Variants in DKK2 observed in about 807,000 individuals in gnomAD.
DKK2 encodes the protein dickkopf Wnt signaling pathway inhibitor 2.
In DKK2, 11 loss-of-function variants were observed where a neutral mutation model predicts 28.1. The observed-to-expected ratio is 0.39, with a 90% CI of 0.25 to 0.65. The LOEUF (loss-of-function observed/expected upper bound fraction) is 0.65. Among genes scored for constraint, DKK2 ranks in the 30% least tolerant of loss-of-function variants. The probability of loss-of-function intolerance (pLI) is 0.47; values close to 1 mark genes in which losing one functional copy is unlikely to be tolerated. For missense variants in DKK2, 326 were observed against 335.5 expected, an observed-to-expected ratio of 0.97 and a Z score of 0.22; for synonymous variants, 135 against 126.5, an observed-to-expected ratio of 1.07 and a Z score of -0.45.
chr4:106,964,545 T>G lies in DKK2; in HGVS notation c.223-38596A>C, dbSNP rs566048776. Among the ~76,000 whole-genome samples, 6 of 152,338 alleles carry G rather than the reference T, an allele frequency of 3.9e-5. No individual in the cohort carries two copies. The East Asian group carries it at 1.2e-3, about 29-fold the overall frequency. On this transcript the variant is annotated intron_variant, in intron 1 of 3. Coordinates refer to ENST00000285311, the MANE Select transcript of DKK2 (RefSeq NM_014421.3). ...CTATCATAAAGAAATGTTGATTTCTTGAGGCGATGGATATCCCAGTAATTC... is the reference window on the plus strand; with the variant it reads ...CTATCATAAAGAAATGTTGATTTCTGGAGGCGATGGATATCCCAGTAATTC...
At position 106,947,728 on chromosome 4, in the gene DKK2, G is replaced by A. The variant is rs578146070; in HGVS notation, c.223-21779C>T. Among the ~76,000 whole-genome samples the A allele has an allele frequency of 4.0e-5, 6 of 148,838 alleles. No homozygotes were observed. In the South Asian group the frequency reaches 1.3e-3, roughly 32 times the overall value. ...CATGCTCTGTCACCCAGGCTGGAGTGCAGTGGCATGATCATAGCTCACTGT... is the reference window on the plus strand; with the variant it reads ...CATGCTCTGTCACCCAGGCTGGAGTACAGTGGCATGATCATAGCTCACTGT... On this transcript the variant is annotated intron_variant, in intron 1 of 3. Transcript: ENST00000285311.
chr4:106,997,156 T>A lies in DKK2; in HGVS notation c.222+38214A>T, dbSNP rs547997076. Among the ~76,000 whole-genome samples the A allele has an allele frequency of 3.9e-5, 6 of 152,242 alleles. No individual in the cohort carries two copies. In the South Asian group the frequency reaches 1.2e-3, roughly 32 times the overall value. On this transcript the variant is annotated intron_variant, in intron 1 of 3. Coordinates refer to ENST00000285311, the MANE Select transcript of DKK2 (RefSeq NM_014421.3). ...AATCTCTGTAGTGCCCATCGTTTAG[T>A]TCCAGTTCTTTTTCCAGTTATAATA... is the stretch of plus-strand genomic sequence containing the variant.
At chr4:106,985,948 A>G (rs1233839688) in intron 1 of DKK2, among the ~76,000 whole-genome samples, 5 of 152,124 alleles carry the variant, frequency 3.3e-5, no homozygotes, top group Admixed American at 2.0e-4. Flanking sequence ...GAAGAAAGGA[A>G]GGGAGGAAGG....
intron 1 of DKK2, among the ~76,000 whole-genome samples, chr4:106,942,484 T>C (rs548230187): frequency 1.3e-5 from 2 of 152,264 alleles, no homozygotes; most frequent in African/African-American, 4.8e-5. Flanking sequence ...TCCCCAGATA[T>C]ACTAGACTCT....
At chr4:107,012,971 A>G (rs1267029168) in intron 1 of DKK2, among the ~76,000 whole-genome samples, 1 of 150,870 alleles carries the variant, frequency 6.6e-6, no homozygotes, top group Non-Finnish European at 1.5e-5. Context: ...ATATATTTAA[A>G]CATCTTTAGA....
At chr4:106,935,399 T>G (rs910200117) in intron 1 of DKK2, among the ~76,000 whole-genome samples, 2 of 152,322 alleles carry the variant, frequency 1.3e-5, no homozygotes, top group South Asian at 2.1e-4. Context: ...AATACTGCGC[T>G]TTTCCAATGG....
intron 1 of DKK2, among the ~76,000 whole-genome samples, chr4:107,007,933 G>A (rs558289749): frequency 5.9e-5 from 9 of 152,114 alleles, no homozygotes; most frequent in African/African-American, 2.2e-4. Context: ...TGATTTCTTT[G>A]GAAACATCAA....
intron 1 of DKK2, among the ~76,000 whole-genome samples, chr4:106,953,821 T>G (rs1190522708): frequency 6.6e-6 from 1 of 152,202 alleles, no homozygotes; most frequent in African/African-American, 2.4e-5. Flanking sequence ...ACCGTAATAC[T>G]TAAGCATTCA....
chr4:106,952,418 A>G (rs1267800707), intron 1 of DKK2, among the ~76,000 whole-genome samples: 2 of 152,212 alleles, frequency 1.3e-5, no homozygotes, highest in Non-Finnish European at 2.9e-5. Context: ...GATAGTAGGT[A>G]TAGCAGAACT....
rs115869626 is a variant in DKK2 at position 107,022,595 on chromosome 4, T to C, written c.222+12775A>G. Among the ~76,000 whole-genome samples, 440 of 152,242 alleles carry C rather than the reference T, an allele frequency of 2.9e-3. 2 individuals carry two copies. The highest frequency in any genetic ancestry group is 0.01 in the African/African-American group (422 of 41,558). Reference sequence around the variant, plus strand: ...ACATTGTGTGCCATGATGAGGAGTTTAGACTTCATGTTCTAGAAATGGACA... The same window carrying C: ...ACATTGTGTGCCATGATGAGGAGTTCAGACTTCATGTTCTAGAAATGGACA... On this transcript the variant is annotated intron_variant, in intron 1 of 3. Transcript: ENST00000285311.
chr4:106,994,580 G>A (rs923316532), intron 1 of DKK2, among the ~76,000 whole-genome samples: 2 of 152,044 alleles, frequency 1.3e-5, no homozygotes, highest in Non-Finnish European at 2.9e-5. Flanking sequence ...CAAAAGATGT[G>A]TTATGCTGAG....
intron 1 of DKK2, among the ~76,000 whole-genome samples, chr4:106,997,353 C>A (rs1011593974): frequency 3.3e-5 from 5 of 152,056 alleles, no homozygotes; most frequent in African/African-American, 1.2e-4. Flanking sequence ...ACTAGACATC[C>A]TTTCCTGGTT....
Position 106,924,662 on chromosome 4 carries a change from G to C in DKK2, c.412C>G (p.His138Asp), listed in dbSNP as rs146683175. ...CGAGTACCATCCAGAGCCGGGATGT[G>C]AGGGGTTAAGATGCTTTCAGTAACT... ...IPVTESILTP[H>D]IPALDGTRHR... Residue 138 changes from histidine to aspartate, a missense_variant, in exon 3 of 4, where the codon CAC (histidine) becomes GAC (aspartate). Transcript: ENST00000285311. 6.2e-7 allele frequency: 1 copy of C among 1,613,802 alleles called. No individual in the cohort carries two copies. The highest frequency in any genetic ancestry group is 1.3e-5 in the African/African-American group (1 of 75,030).
chr4:106,945,424 G>A (rs1724761362), intron 1 of DKK2, among the ~76,000 whole-genome samples: 1 of 152,078 alleles, frequency 6.6e-6, no homozygotes, highest in Non-Finnish European at 1.5e-5. Context: ...GGAGTAATCA[G>A]CCAGTTACTG....
intron 1 of DKK2, 67 bp from the exon 2 acceptor site, chr4:106,926,016 A>G (rs930481019): frequency 2.7e-6 from 4 of 1,471,022 alleles, no homozygotes; most frequent in East Asian, 2.3e-5. Context: ...AAACATTACT[A>G]TAGCAAATCA....
At chr4:107,015,558 T>C (rs1463707933) in intron 1 of DKK2, among the ~76,000 whole-genome samples, 2 of 151,742 alleles carry the variant, frequency 1.3e-5, no homozygotes, top group Non-Finnish European at 3.0e-5. Flanking sequence ...GATAAACTAG[T>C]ATTCTTACCT....
intron 1 of DKK2, among the ~76,000 whole-genome samples, chr4:107,019,215 G>GAAAAAC (rs202214005): frequency 0.024 from 3,685 of 151,968 alleles, 61 homozygotes; most frequent in Middle Eastern, 0.065. Context: ...TTCACTTTTA[G>GAAAAAC]AAAAACAAAA....
chr4:106,934,357 AAG>A (rs896207747), intron 1 of DKK2, among the ~76,000 whole-genome samples: 4 of 152,200 alleles, frequency 2.6e-5, no homozygotes, highest in Non-Finnish European at 4.4e-5. Flanking sequence ...GTTTCATACT[AAG>A]AGAGCTGGAA....
intron 1 of DKK2, among the ~76,000 whole-genome samples, chr4:107,012,713 T>C (rs1053051373): frequency 6.6e-5 from 10 of 151,282 alleles, no homozygotes; most frequent in African/African-American, 2.4e-4. Flanking sequence ...TCTACTTTTA[T>C]AAAACTTTCT....
Sources: gnomAD v4.1 joint callset for allele counts (sites outside exome capture counted in the v4.1 genomes callset) on GRCh38, gnomAD v4.1.1 for gene constraint, MANE v1.5 for transcripts, NCBI Gene and HGNC (gene_info 2026-07-23, HGNC 2026-07-21) for gene names.